TTC14: variants seen among roughly 807,000 people sequenced by gnomAD.
TTC14 encodes the protein tetratricopeptide repeat protein 14.
In TTC14, 63 loss-of-function variants were observed where a neutral mutation model predicts 79.9. The ratio of observed to expected loss-of-function variants is 0.79; its 90% CI spans 0.64 to 0.97. TTC14 has a LOEUF of 0.97. Among genes scored for constraint, TTC14 ranks in the 50% least tolerant of loss-of-function variants. The probability of loss-of-function intolerance (pLI) is 0.00; values close to 1 mark genes in which losing one functional copy is unlikely to be tolerated. For synonymous variants in TTC14, 335 were observed against 309.6 expected (o/e 1.08, Z -0.86); for missense variants, 895 against 894.0 (o/e 1.00, Z -0.01).
chr3:180,610,860 T>A lies in TTC14; in HGVS notation c.*318T>A. Reference sequence around the variant, plus strand: ...ATTGCGGTATATGAGAATTCCTGGGTGCATCTTATTCTGCTGTTTGAGAGA... The same window carrying A: ...ATTGCGGTATATGAGAATTCCTGGGAGCATCTTATTCTGCTGTTTGAGAGA... On this transcript the variant is annotated 3_prime_UTR_variant, in exon 12 of 12. Transcript: ENST00000296015. The A allele has an allele frequency of 1.0e-6, 1 of 992,618 alleles. No homozygotes were observed. The highest frequency in any genetic ancestry group is 1.2e-6 in the Non-Finnish European group (1 of 834,680). The allele number at this position is 992,618 out of a possible 1,614,324, so 61.5% of individuals were successfully genotyped here. A position where few individuals can be genotyped will look rare whatever the true frequency, so the allele number is the denominator to read the frequency against.
At chr3:180,607,945 T>C in intron 10 of TTC14, 180 bp downstream of exon 10, 2 of 1,352,782 alleles carry the variant, frequency 1.5e-6, no homozygotes, top group Non-Finnish European at 1.9e-6. Context: ...TTTTTGTCCA[T>C]AATCGAAAGT....
At chr3:180,613,679 A>C (rs1001944250), downstream of TTC14, 1 of 343,838 alleles carries the variant, frequency 2.9e-6, no homozygotes, top group Admixed American at 4.1e-5. Context: ...TATTACTTCA[A>C]GTTTTAAGTA....
chr3:180,607,568 A>G (rs1395557163), intron 9 of TTC14, 80 bp from the exon 10 acceptor site: 26 of 1,451,298 alleles, frequency 1.8e-5, no homozygotes, highest in Non-Finnish European at 2.2e-5. Context: ...AAGCTCTCTC[A>G]TATAAGCCTT....
At chr3:180,609,250 GCACCCC>G in intron 11 of TTC14, 4 of 223,942 alleles carry the variant, frequency 1.8e-5, no homozygotes, top group Non-Finnish European at 2.3e-5. Context: ...GCTCCCACCC[GCACCCC>G]CACCCCCTAC....
At chr3:180,602,754 A>T in intron 1 of TTC14, 137 bp from the exon 2 acceptor site, 1 of 1,101,756 alleles carries the variant, frequency 9.1e-7, no homozygotes, top group Non-Finnish European at 1.3e-6. Context: ...ATGCCTAGTT[A>T]AAACTTTTTG....
At chr3:180,612,784 C>T (rs932047119), downstream of TTC14, among the ~76,000 whole-genome samples, 3 of 152,140 alleles carry the variant, frequency 2.0e-5, no homozygotes, top group Admixed American at 6.6e-5. Flanking sequence ...GAAGTTCTTG[C>T]ACAGCAAAAG....
At chr3:180,606,454 C>T in intron 8 of TTC14, 27 bp from the exon 9 acceptor site, 3 of 1,613,242 alleles carry the variant, frequency 1.9e-6, no homozygotes, top group Non-Finnish European at 2.5e-6. Context: ...TGAGATACAG[C>T]CCTCTATCTT....
Position 180,604,500 on chromosome 3 carries a change from A to G in TTC14, c.594A>G (p.Arg198=), listed in dbSNP as rs1283154060. The stretch of plus-strand genomic sequence containing the variant: ...AAGCTGGAATCAAGGATATTGACAG[A>G]TACCATGAAAAGCTAGCAGTATCTC... ...IIRAGIKDID[R]YHEKLAVSLY... is the part of the protein sequence containing the mutation. Residue 198 remains arginine, a synonymous_variant, in exon 5 of 12, where the codon AGA becomes AGG. Transcript: ENST00000296015. 1.2e-6 allele frequency: 2 copies of G among 1,602,694 alleles called. No individual in the cohort carries two copies. Among genetic ancestry groups the G allele is most frequent in the Non-Finnish European group, 1.7e-6 (2 of 1,176,862 alleles).
chr3:180,617,035 A>G, intron 12 of TTC14: 1 of 835,892 alleles, frequency 1.2e-6, no homozygotes, highest in East Asian at 2.8e-5. Flanking sequence ...TCATTTATCA[A>G]GTATTCATTT....
rs1366699919 is a variant in TTC14, at chr3:180,604,958, C to G, written c.808C>G (p.Leu270Val). 3 of 1,613,978 alleles carry G rather than the reference C, an allele frequency of 1.9e-6. No individual in the cohort carries two copies. Among genetic ancestry groups the G allele is most frequent in the Non-Finnish European group, 1.7e-6 (2 of 1,179,956 alleles). Reference sequence around the variant, plus strand: ...AGTAGTTGAATTCCTTCTAGAAAAACTAGGAATAGATGAATCTAATCCACC... The same window carrying G: ...AGTAGTTGAATTCCTTCTAGAAAAAGTAGGAATAGATGAATCTAATCCACC... ...PGVVEFLLEK[L>V]GIDESNPPSL... Residue 270 changes from leucine (L) to valine (V), a missense_variant, in exon 6 of 12, where the codon CTA (leucine) becomes GTA (valine). Transcript: ENST00000296015.
chr3:180,610,323 A>G lies in TTC14; in HGVS notation c.2094A>G (p.Arg698=), dbSNP rs200177702. The part of the protein sequence containing the change: ...YAHSGSRDFS[R]HEQRYRLNTN... ...ACTCTGGATCACGTGATTTCAGTAG[A>G]CATGAGCAAAGATACCGTTTAAATA... The change falls in exon 12 of 12, where the codon AGA becomes AGG. Residue 698 remains arginine (R), a synonymous_variant. Coordinates refer to ENST00000296015, the MANE Select transcript of TTC14 (RefSeq NM_133462.4). The G allele has an allele frequency of 5.3e-5, 85 of 1,613,288 alleles. No homozygotes were observed. In the East Asian group the frequency reaches 1.9e-3, roughly 36 times the overall value.
At chr3:180,615,700 G>A (rs917159732), downstream of TTC14, among the ~76,000 whole-genome samples, 6 of 151,982 alleles carry the variant, frequency 3.9e-5, no homozygotes, top group Admixed American at 1.3e-4. Flanking sequence ...AGGAGATTGT[G>A]AATTCTAAAA....
At position 180,608,267 on chromosome 3, in the gene TTC14, A is replaced by G. The variant is rs189969541; in HGVS notation, c.1291-434A>G. The G allele has an allele frequency of 5.8e-4, 575 of 987,456 alleles. 3 individuals carry two copies. In the African/African-American group the frequency reaches 7.4e-3, roughly 13 times the overall value. 61.2% of individuals were successfully genotyped at this position (987,456 alleles called of 1,614,324 possible). A position where few individuals can be genotyped will look rare whatever the true frequency, so the allele number is the denominator to read the frequency against. On this transcript the variant is annotated intron_variant, in intron 10 of 11. Coordinates refer to ENST00000296015, the MANE Select transcript of TTC14 (RefSeq NM_133462.4). ...TCCAACTGGGCTGTGCTATTTTTTT[A>G]AATGGTTTGTATTTGAACATGGTGA...
chr3:180,604,364 TATTA>T, intron 4 of TTC14, 55 bp downstream of exon 4: 1 of 1,576,874 alleles, frequency 6.3e-7, no homozygotes, highest in Non-Finnish European at 8.6e-7. Flanking sequence ...TTTTTGTTTT[TATTA>T]ATTTAAAAAA....
rs1408532800 is a variant in TTC14, at chr3:180,603,105, G to T, written c.287-19G>T. The T allele has an allele frequency of 6.2e-7, 1 of 1,608,046 alleles. No individual in the cohort carries two copies. Among genetic ancestry groups the T allele is most frequent in the Non-Finnish European group, 8.5e-7 (1 of 1,177,358 alleles). The stretch of plus-strand genomic sequence containing the variant: ...ACTCAAAACTATCGTTAGTGATTTT[G>T]TTAATTTTTTTTTTTTAGATCATTA... On this transcript the variant is annotated intron_variant, in intron 2 of 11. Transcript: ENST00000296015.
rs780991676 is a variant in TTC14, at chr3:180,602,221, A to G, written c.-41A>G. ...TCAAGTAGCGGACACGGAACAGGGA[A>G]CTATCAGCCCGTCGGCCTCCGGGCC... On this transcript the variant is annotated 5_prime_UTR_variant, in exon 1 of 12. Coordinates refer to ENST00000296015, the MANE Select transcript of TTC14 (RefSeq NM_133462.4). 1.2e-6 allele frequency: 2 copies of G among 1,607,514 alleles called. No individual in the cohort carries two copies. Among genetic ancestry groups the G allele is most frequent in the South Asian group, 1.1e-5 (1 of 90,324 alleles).
chr3:180,614,632 G>A (rs1717159020), downstream of TTC14: 1 of 280,906 alleles, frequency 3.6e-6, no homozygotes, highest in African/African-American at 2.3e-5. Context: ...GTGAAATAAT[G>A]AAGCAAACTA....
In TTC14 at chr3:180,616,449, G is replaced by A. The variant is rs1351978363; in HGVS notation, c.1775-931G>A. ...TTTTAATTAGCTTTCACTTCATGATGAATGTCATGAAAGTTTTTATTTTCA... is the reference window on the plus strand; with the variant it reads ...TTTTAATTAGCTTTCACTTCATGATAAATGTCATGAAAGTTTTTATTTTCA... On this transcript the variant is annotated intron_variant, in intron 12 of 12. Coordinates refer to the TTC14 transcript ENST00000382584. The A allele has an allele frequency of 8.1e-6, 12 of 1,489,262 alleles. 1 individual carries two copies. In the African/African-American group the frequency reaches 1.3e-4, roughly 16 times the overall value. 92.3% of individuals were successfully genotyped at this position (1,489,262 alleles called of 1,614,324 possible). A position where few individuals can be genotyped will look rare whatever the true frequency, so the allele number is the denominator to read the frequency against.
Position 180,610,217 on chromosome 3 carries a change from C to G in TTC14, c.1988C>G (p.Pro663Arg), listed in dbSNP as rs779777780. ...GRKEHYRRWE[P>R]GSVRHSTSPA... ...AAAGAGCACTATAGAAGGTGGGAAC[C>G]AGGTTCTGTGAGGCATTCTACCTCA... Residue 663 changes from proline (P) to arginine (R), a missense_variant, in exon 12 of 12, where the codon CCA becomes CGA. Physicochemically the swap from Pro to Arg is moderately radical, Grantham distance 103. Coordinates refer to ENST00000296015, the MANE Select transcript of TTC14 (RefSeq NM_133462.4). 6.2e-7 allele frequency: 1 copy of G among 1,613,894 alleles called. No individual in the cohort carries two copies. The highest frequency in any genetic ancestry group is 8.5e-7 in the Non-Finnish European group (1 of 1,179,918).
Sources: allele counts gnomAD v4.1 joint callset (sites outside exome capture counted in the v4.1 genomes callset), GRCh38; gene constraint gnomAD v4.1.1; transcripts MANE v1.5; gene names NCBI Gene and HGNC (gene_info 2026-07-23, HGNC 2026-07-21).